NOL4: variants seen among roughly 807,000 people sequenced by gnomAD.
NOL4 encodes the protein nucleolar protein 4.
A neutral mutation model predicts 75.9 loss-of-function variants in NOL4; 17 were observed. That is an observed-to-expected ratio of 0.22 (90% CI 0.15 to 0.34). NOL4 has a LOEUF of 0.34. Among genes scored for constraint, NOL4 ranks in the 10% least tolerant of loss-of-function variants. NOL4 has a pLI of 1.00. For missense variants in NOL4, 614 were observed against 793.5 expected, an observed-to-expected ratio of 0.77 and a Z score of 2.72; for synonymous variants, 292 against 289.9, an observed-to-expected ratio of 1.01 and a Z score of -0.07.
chr18:34,047,991 T>C (rs8097877), intron 5 of NOL4, among the ~76,000 whole-genome samples: 66,549 of 152,008 alleles, frequency 0.44, 15,038 homozygotes, highest in East Asian at 0.53. Flanking sequence ...TACTTCTAAA[T>C]GGATTTTTAA....
chr18:34,104,031 G>A lies in NOL4; in HGVS notation c.639+16C>T. ...CCAATTTGTAAGTAATACAAATGTA[G>A]ATGTTTTTATTTTACCTCATCTTGC... On this transcript the variant is annotated intron_variant, in intron 4 of 10. Transcript: ENST00000261592. The A allele has an allele frequency of 6.5e-7, 1 of 1,530,794 alleles. No individual in the cohort carries two copies. Among genetic ancestry groups the A allele is most frequent in the South Asian group, 1.1e-5 (1 of 89,374 alleles). 94.8% of individuals were successfully genotyped at this position (1,530,794 alleles called of 1,614,324 possible).
intron 9 of NOL4, among the ~76,000 whole-genome samples, chr18:33,903,248 A>G (rs971113715): frequency 2.0e-5 from 3 of 152,082 alleles, no homozygotes; most frequent in African/African-American, 7.2e-5. Context: ...GCACAGGGGG[A>G]AACTTCCACT....
intron 6 of NOL4, among the ~76,000 whole-genome samples, chr18:34,002,918 T>TA: frequency 6.6e-6 from 1 of 152,174 alleles, no homozygotes; most frequent in Non-Finnish European, 1.5e-5. Flanking sequence ...ACATTTAAGA[T>TA]AAAAACCTGG....
intron 9 of NOL4, among the ~76,000 whole-genome samples, chr18:33,915,571 G>A (rs564971561): frequency 3.3e-5 from 5 of 151,986 alleles, no homozygotes; most frequent in South Asian, 2.1e-4. Context: ...ATAAGGAGAC[G>A]GACTGCTCTG....
intron 1 of NOL4, among the ~76,000 whole-genome samples, chr18:34,183,854 C>G (rs2034242870): frequency 6.6e-6 from 1 of 151,958 alleles, no homozygotes; most frequent in Admixed American, 6.6e-5. Flanking sequence ...GACAATGGAA[C>G]TGTTCAATGT....
intron 6 of NOL4, among the ~76,000 whole-genome samples, chr18:34,007,238 T>C (rs751100905): frequency 2.1e-4 from 32 of 151,760 alleles, no homozygotes; most frequent in Non-Finnish European, 2.9e-4. Flanking sequence ...TACTCCACAG[T>C]GGGGATGAGG....
chr18:33,890,652 A>T (rs2065038436), intron 9 of NOL4, among the ~76,000 whole-genome samples: 1 of 152,132 alleles, frequency 6.6e-6, no homozygotes, highest in Admixed American at 6.6e-5. Flanking sequence ...TCTATTTGAT[A>T]TGTAGGCAAA....
chr18:34,108,846 C>A (rs982651460), intron 2 of NOL4, among the ~76,000 whole-genome samples: 2 of 151,970 alleles, frequency 1.3e-5, no homozygotes, highest in African/African-American at 4.8e-5. Flanking sequence ...CTGAATGAAC[C>A]TAATGGACAT....
intron 5 of NOL4, among the ~76,000 whole-genome samples, chr18:34,070,241 G>C (rs2077455632): frequency 6.6e-6 from 1 of 151,984 alleles, no homozygotes; most frequent in Admixed American, 6.6e-5. Flanking sequence ...CCATGGTCTC[G>C]ATATCCTGAC....
intron 1 of NOL4, among the ~76,000 whole-genome samples, chr18:34,206,220 G>A (rs2036113698): frequency 6.6e-6 from 1 of 151,358 alleles, no homozygotes; most frequent in African/African-American, 2.4e-5. Flanking sequence ...ATGTTGCATA[G>A]AGCCATACAT....
intron 10 of NOL4, among the ~76,000 whole-genome samples, chr18:33,866,493 G>C (rs1026006524): frequency 6.6e-6 from 1 of 152,042 alleles, no homozygotes; most frequent in South Asian, 2.1e-4. Context: ...GCAGTTATTT[G>C]CCACATTGGC....
intron 9 of NOL4, among the ~76,000 whole-genome samples, chr18:33,940,508 A>G (rs2068398214): frequency 6.6e-6 from 1 of 151,932 alleles, no homozygotes. Context: ...ATGATAACAC[A>G]TGGACACAGG....
intron 5 of NOL4, among the ~76,000 whole-genome samples, chr18:34,026,511 T>C (rs2075351103): frequency 6.6e-6 from 1 of 152,168 alleles, no homozygotes; most frequent in African/African-American, 2.4e-5. Context: ...TAACCCCTGC[T>C]TGGCTTTTTA....
intron 1 of NOL4, 95 bp downstream of exon 1, chr18:34,222,894 CG>C: frequency 1.3e-6 from 2 of 1,494,138 alleles, no homozygotes; most frequent in Middle Eastern, 1.9e-4. Flanking sequence ...GAGCCAACGG[CG>C]GCTCACGGCT....
chr18:34,183,196 A>T (rs2034180357), intron 1 of NOL4, among the ~76,000 whole-genome samples: 1 of 151,924 alleles, frequency 6.6e-6, no homozygotes, highest in Admixed American at 6.6e-5. Flanking sequence ...ATAATTCTCA[A>T]AATTCAATAA....
chr18:34,223,652 G>A lies in NOL4; in HGVS notation c.-399C>T, dbSNP rs1360013180. ...TATTGAATTGGGGTGGTCCCTAGAC[G>A]CCTCGCCCCCGGGCTGCGTCCGGGG... On this transcript the variant is annotated 5_prime_UTR_variant, in exon 1 of 11. Coordinates refer to ENST00000261592, the MANE Select transcript of NOL4 (RefSeq NM_003787.5). 4 of 162,730 alleles carry A rather than the reference G, an allele frequency of 2.5e-5. No homozygotes were observed. Among genetic ancestry groups the A allele is most frequent in the Non-Finnish European group, 4.0e-5 (3 of 75,102 alleles). The allele number at this position is 162,730 out of a possible 1,614,324, so 10.1% of individuals were successfully genotyped here. A position where few individuals can be genotyped will look rare whatever the true frequency, so the allele number is the denominator to read the frequency against.
At chr18:33,950,587 A>G (rs1282761655) in intron 8 of NOL4, among the ~76,000 whole-genome samples, 3 of 152,168 alleles carry the variant, frequency 2.0e-5, no homozygotes, top group Non-Finnish European at 4.4e-5. Context: ...TGAACAAGTT[A>G]AGAAGCATAG....
chr18:34,139,928 T>C (rs1040553327), intron 1 of NOL4, among the ~76,000 whole-genome samples: 1 of 152,168 alleles, frequency 6.6e-6, no homozygotes, highest in Non-Finnish European at 1.5e-5. Flanking sequence ...GCCTTCATTT[T>C]GTTATGTACC....
At chr18:33,932,038 C>A (rs2145423083) in intron 9 of NOL4, among the ~76,000 whole-genome samples, 1 of 152,172 alleles carries the variant, frequency 6.6e-6, no homozygotes, top group Non-Finnish European at 1.5e-5. Context: ...ATATACATGT[C>A]AGAGGACACT....
Sources: gnomAD v4.1 joint callset for allele counts (sites outside exome capture counted in the v4.1 genomes callset) on GRCh38, gnomAD v4.1.1 for gene constraint, MANE v1.5 for transcripts, NCBI Gene and HGNC (gene_info 2026-07-23, HGNC 2026-07-21) for gene names.